LRTM2: variants seen among roughly 807,000 people sequenced by gnomAD.
LRTM2 encodes leucine rich repeat transmembrane protein 2, also known as leucine-rich repeat and transmembrane domain-containing protein 2.
Under a neutral mutation model 28.1 loss-of-function variants are expected in LRTM2, and 18 were observed. The ratio of observed to expected loss-of-function variants is 0.64; its 90% CI spans 0.44 to 0.95. The LOEUF (loss-of-function observed/expected upper bound fraction) is 0.95. LRTM2 is among the 40% of genes least tolerant of loss of function. LRTM2 has a pLI of 0.00. For synonymous variants in LRTM2, 250 were observed against 218.7 expected (o/e 1.14, Z -1.26); for missense variants, 436 against 497.2 (o/e 0.88, Z 1.17).
In LRTM2 at chr12:1,834,272, C is replaced by T. The variant is rs781269529; in HGVS notation, c.664C>T (p.Arg222Cys). 70 of 1,567,588 alleles carry T rather than the reference C, an allele frequency of 4.5e-5. No individual in the cohort carries two copies. The highest frequency in any genetic ancestry group is 1.7e-4 in the Middle Eastern group (1 of 5,822). Reference sequence around the variant, plus strand: ...TTTTTCTCTTCTGCATGTAGGGGGACGCTTGGACCAGCTTGCCTGCACCCT... The same window carrying T: ...TTTTTCTCTTCTGCATGTAGGGGGATGCTTGGACCAGCTTGCCTGCACCCT... The part of the protein sequence containing the change: ...WMEWFSYRGG[R>C]LDQLACTLPK... The change falls in exon 5 of 5, where the codon CGC (arginine) becomes TGC (cysteine). Residue 222 changes from arginine (R) to cysteine (C), a missense_variant. By Grantham distance (180) the Arg-to-Cys change is radical (BLOSUM62 -3). Transcript: ENST00000299194. The surrounding 1 kb of genome is among the most constrained non-coding windows in gnomAD (Gnocchi z 7.6).
rs144205835 is a variant in LRTM2, at chr12:1,828,241, G to A, written c.67+26G>A. On this transcript the variant is annotated intron_variant, in intron 3 of 4. Transcript: ENST00000299194. This position sits in a 1 kb window ranked among gnomAD's most constrained non-coding sequence, Gnocchi z 4.2. ...GTGAGTACACCCCTGGCCTCGGAGG[G>A]GGGTGCGGGTTGGGTGGGGGTGCCG... 1.2e-3 allele frequency: 1,782 copies of A among 1,531,360 alleles called. 21 individuals are homozygous for A. The African/African-American group carries it at 0.013, about 11-fold the overall frequency. 94.9% of individuals were successfully genotyped at this position (1,531,360 alleles called of 1,614,324 possible). A position where few individuals can be genotyped will look rare whatever the true frequency, so the allele number is the denominator to read the frequency against.
Position 1,831,476 on chromosome 12 carries a change from C to T in LRTM2, c.609C>T (p.Asp203=). The T allele has an allele frequency of 6.2e-7, 1 of 1,613,990 alleles. No individual in the cohort carries two copies. Among genetic ancestry groups the T allele is most frequent in the Non-Finnish European group, 8.5e-7 (1 of 1,180,010 alleles). ...TCGGGGATAACCCCTGGGAGTGTGA[C>T]TGTAACCTGCGTGAGTTCAAACACT... The part of the protein sequence containing the change: ...LQVGDNPWEC[D]CNLREFKHWM... Residue 203 remains aspartate (D), a synonymous_variant, in exon 4 of 5, where the codon GAC becomes GAT. Coordinates refer to ENST00000299194, the MANE Select transcript of LRTM2 (RefSeq NM_001039029.3).
chr12:1,821,109 T>G (rs1051582580), intron 1 of LRTM2, among the ~76,000 whole-genome samples: 1 of 152,098 alleles, frequency 6.6e-6, no homozygotes. Context: ...CCGGGTGGCA[T>G]AGAAACCGGT....
rs186004852 is a variant in LRTM2, at chr12:1,828,174, G to A, written c.26G>A (p.Gly9Glu). Reference sequence around the variant, plus strand: ...ATGCTGGCGCCGGGCAGCAGCCCTGGGCAGAGGGGCAGGCTCGCCCTGCAG... The same window carrying A: ...ATGCTGGCGCCGGGCAGCAGCCCTGAGCAGAGGGGCAGGCTCGCCCTGCAG... MLAPGSSP[G>E]QRGRLALQWR... The change falls in exon 3 of 5, where the codon GGG (glycine) becomes GAG (glutamate). Residue 9 changes from glycine to glutamate, a missense_variant. Transcript: ENST00000299194. This position sits in a 1 kb window ranked among gnomAD's most constrained non-coding sequence, Gnocchi z 4.2. 1,599 of 1,546,704 alleles carry A rather than the reference G, an allele frequency of 1.0e-3. 1 individual carries two copies. Among genetic ancestry groups the A allele is most frequent in the Non-Finnish European group, 1.3e-3 (1,458 of 1,145,244 alleles).
rs1029508919 is a variant in LRTM2 at position 1,833,549 on chromosome 12, G to A, written c.659-718G>A. 6.6e-6 allele frequency among the ~76,000 whole-genome samples: 1 copy of A among 152,192 alleles called. No individual in the cohort carries two copies. Among genetic ancestry groups the A allele is most frequent in the African/African-American group, 2.4e-5 (1 of 41,448 alleles). On this transcript the variant is annotated intron_variant, in intron 4 of 4. Transcript: ENST00000299194. This position sits in a 1 kb window ranked among gnomAD's most constrained non-coding sequence, Gnocchi z 4.2. ...ACCAGCCTCCTCTCCTTGGCCTCGT[G>A]TGCCTCCAGGATTCCCCCTCCAGAT...
Position 1,828,069 on chromosome 12 carries a change from C to T in LRTM2, c.-73-7C>T, listed in dbSNP as rs1195946841. The T allele has an allele frequency of 6.7e-6, 9 of 1,345,376 alleles. No individual in the cohort carries two copies. Among genetic ancestry groups the T allele is most frequent in the Non-Finnish European group, 8.9e-6 (9 of 1,016,522 alleles). 83.3% of individuals were successfully genotyped at this position (1,345,376 alleles called of 1,614,324 possible). The stretch of plus-strand genomic sequence containing the variant: ...CTGCCTGTGCTCAGTGCTCCTCCCT[C>T]CCTCAGGACTGACAGGCGGCGCACC... On this transcript the variant is annotated splice_region_variant and splice_polypyrimidine_tract_variant and intron_variant, in intron 2 of 4. Transcript: ENST00000299194. The surrounding 1 kb of genome is among the most constrained non-coding windows in gnomAD (Gnocchi z 4.2).
intron 1 of LRTM2, among the ~76,000 whole-genome samples, chr12:1,823,670 A>G (rs574159405): frequency 5.3e-5 from 8 of 152,088 alleles, no homozygotes; most frequent in Admixed American, 3.3e-4. Context: ...CTTCCGTAAG[A>G]TCTTGGCCTC....
chr12:1,824,697 C>T (rs1422200388), intron 1 of LRTM2, among the ~76,000 whole-genome samples: 1 of 152,238 alleles, frequency 6.6e-6, no homozygotes, highest in Admixed American at 6.5e-5. Flanking sequence ...GCTGCGGCAG[C>T]TGCTCTCCAA....
intron 4 of LRTM2, among the ~76,000 whole-genome samples, chr12:1,832,002 A>C (rs986924159): frequency 6.6e-6 from 1 of 152,246 alleles, no homozygotes; most frequent in African/African-American, 2.4e-5. Flanking sequence ...ATGAATCCTC[A>C]GTAAAACCAA....
intron 1 of LRTM2, among the ~76,000 whole-genome samples, chr12:1,823,429 G>A (rs770661258): frequency 2.0e-5 from 3 of 152,116 alleles, no homozygotes; most frequent in Admixed American, 6.5e-5. Context: ...CGGCTGTTCC[G>A]TGCTCTGAGG....
chr12:1,828,647 G>A lies in LRTM2; in HGVS notation c.67+432G>A, dbSNP rs536205168. Among the ~76,000 whole-genome samples the A allele has an allele frequency of 2.0e-5, 3 of 152,320 alleles. No homozygotes were observed. The highest frequency in any genetic ancestry group is 2.1e-4 in the South Asian group (1 of 4,832). On this transcript the variant is annotated intron_variant, in intron 3 of 4. Transcript: ENST00000299194. The surrounding 1 kb of genome is among the most constrained non-coding windows in gnomAD (Gnocchi z 4.2). Reference sequence around the variant, plus strand: ...GGAACTGCCCCCTTGGCTGGCCTCGGCCAGGAGCTGGGTCAGCTTGGAGAT... The same window carrying A: ...GGAACTGCCCCCTTGGCTGGCCTCGACCAGGAGCTGGGTCAGCTTGGAGAT...
Position 1,820,993 on chromosome 12 carries a change from A to G in LRTM2, c.-259+179A>G, listed in dbSNP as rs1217619702. On this transcript the variant is annotated intron_variant, in intron 1 of 4. Coordinates refer to ENST00000299194, the MANE Select transcript of LRTM2 (RefSeq NM_001039029.3). The surrounding 1 kb of genome is among the most constrained non-coding windows in gnomAD (Gnocchi z 6.0). The stretch of plus-strand genomic sequence containing the variant: ...TCGGGCTCAGGCACCTGAGCATCCC[A>G]AAGGTGCACGACACTGGGAACTCTG... 5.3e-5 allele frequency among the ~76,000 whole-genome samples: 8 copies of G among 152,200 alleles called. No individual in the cohort carries two copies. The highest frequency in any genetic ancestry group is 1.2e-4 in the Non-Finnish European group (8 of 68,044).
chr12:1,835,060 G>A lies in LRTM2; in HGVS notation c.*339G>A, dbSNP rs531275850. 1.0e-4 allele frequency: 28 copies of A among 269,928 alleles called. No homozygotes were observed. The highest frequency in any genetic ancestry group is 5.2e-4 in the African/African-American group (24 of 45,750). 16.7% of individuals were successfully genotyped at this position (269,928 alleles called of 1,614,324 possible). Reference sequence around the variant, plus strand: ...CCCCTGTCGCCCTTCCTGCCCTGGGGTGGCCATAGCTGGTGACTCTTCCTA... The same window carrying A: ...CCCCTGTCGCCCTTCCTGCCCTGGGATGGCCATAGCTGGTGACTCTTCCTA... On this transcript the variant is annotated 3_prime_UTR_variant, in exon 5 of 5. Transcript: ENST00000299194.
Position 1,831,480 on chromosome 12 carries a change from A to G in LRTM2, c.613A>G (p.Asn205Asp), listed in dbSNP as rs764481501. 3 of 1,613,946 alleles carry G rather than the reference A, an allele frequency of 1.9e-6. No homozygotes were observed. Among genetic ancestry groups the G allele is most frequent in the Non-Finnish European group, 2.5e-6 (3 of 1,180,002 alleles). Reference sequence around the variant, plus strand: ...GGATAACCCCTGGGAGTGTGACTGTAACCTGCGTGAGTTCAAACACTGGAT... The same window carrying G: ...GGATAACCCCTGGGAGTGTGACTGTGACCTGCGTGAGTTCAAACACTGGAT... ...VGDNPWECDC[N>D]LREFKHWMEW... Residue 205 changes from asparagine to aspartate, a missense_variant, in exon 4 of 5, where the codon AAC becomes GAC. By Grantham distance (23) the Asn-to-Asp change is conservative. Coordinates refer to ENST00000299194, the MANE Select transcript of LRTM2 (RefSeq NM_001039029.3).
chr12:1,832,313 C>G (rs1864670303), intron 4 of LRTM2, among the ~76,000 whole-genome samples: 1 of 152,172 alleles, frequency 6.6e-6, no homozygotes, highest in Admixed American at 6.5e-5. Context: ...GGGAAGGAAA[C>G]AATATCTATT....
chr12:1,826,669 G>A (rs1864342957), intron 1 of LRTM2, among the ~76,000 whole-genome samples: 1 of 151,654 alleles, frequency 6.6e-6, no homozygotes, highest in Non-Finnish European at 1.5e-5. Context: ...AGACAGCCGA[G>A]AGGGCGGCAC....
chr12:1,827,696 A>G (rs545304219), intron 2 of LRTM2, 102 bp downstream of exon 2: 2 of 156,304 alleles, frequency 1.3e-5, no homozygotes, highest in East Asian at 1.9e-4. Context: ...CACCTCGGAG[A>G]GATGACCTCA....
chr12:1,831,009 C>CGCA lies in LRTM2; in HGVS notation c.145_147dup (p.Ser49dup). 1 of 1,614,022 alleles carries CGCA rather than the reference C, an allele frequency of 6.2e-7. No individual in the cohort carries two copies. The highest frequency in any genetic ancestry group is 8.5e-7 in the Non-Finnish European group (1 of 1,179,976). On this transcript the variant is annotated inframe_insertion, in exon 4 of 5. Coordinates refer to ENST00000299194, the MANE Select transcript of LRTM2 (RefSeq NM_001039029.3). ...CCCTTTCTCCTGCAAGTGTGACAGC[C>CGCA]GCAGCCTGGAGGTGGACTGCAGTGG...
Position 1,834,769 on chromosome 12 carries a change from G to A in LRTM2, c.*48G>A. On this transcript the variant is annotated 3_prime_UTR_variant, in exon 5 of 5. Coordinates refer to ENST00000299194, the MANE Select transcript of LRTM2 (RefSeq NM_001039029.3). This position sits in a 1 kb window ranked among gnomAD's most constrained non-coding sequence, Gnocchi z 7.6. ...GTAGGAAGGGCGGGGAGAGCACACG[G>A]CATTGCTCAGCCACAGCTCCCACCT... 1 of 1,528,866 alleles carries A rather than the reference G, an allele frequency of 6.5e-7. No individual in the cohort carries two copies. 94.7% of individuals were successfully genotyped at this position (1,528,866 alleles called of 1,614,324 possible). A position where few individuals can be genotyped will look rare whatever the true frequency, so the allele number is the denominator to read the frequency against.
Sources: gnomAD v4.1 joint callset for allele counts (sites outside exome capture counted in the v4.1 genomes callset) on GRCh38, gnomAD v4.1.1 for gene constraint, Gnocchi (gnomAD v3.1) non-coding constraint, MANE v1.5 for transcripts, NCBI Gene and HGNC (gene_info 2026-07-23, HGNC 2026-07-21) for gene names.